Variants in PALM2AKAP2 observed in about 807,000 individuals in gnomAD.
PALM2AKAP2 encodes PALM2-AKAP2 fusion protein.
In PALM2AKAP2, 37 loss-of-function variants were observed where a neutral mutation model predicts 71.5. That is an observed-to-expected ratio of 0.52 (90% CI 0.40 to 0.68). The LOEUF is 0.68. Among genes scored for constraint, PALM2AKAP2 ranks in the 30% least tolerant of loss-of-function variants. PALM2AKAP2 has a pLI of 0.00. For missense variants in PALM2AKAP2, 1,224 were observed against 1,191.8 expected (o/e 1.03, Z -0.40); for synonymous variants, 468 against 478.8 (o/e 0.98, Z 0.29).
chr9:109,853,722 A>G (rs1829081266), intron 1 of PALM2AKAP2, among the ~76,000 whole-genome samples: 1 of 152,254 alleles, frequency 6.6e-6, no homozygotes, highest in African/African-American at 2.4e-5. Context: ...CTGCCAAATT[A>G]TCCTCTAGAA....
intron 1 of PALM2AKAP2, among the ~76,000 whole-genome samples, chr9:109,855,131 G>A (rs552262410): frequency 2.6e-5 from 4 of 151,994 alleles, no homozygotes; most frequent in African/African-American, 9.7e-5. Flanking sequence ...GGAGTGCAGT[G>A]GCACAATCTC....
At chr9:109,672,374 C>T (rs907114865) in intron 1 of PALM2AKAP2, among the ~76,000 whole-genome samples, 3 of 152,062 alleles carry the variant, frequency 2.0e-5, no homozygotes. Flanking sequence ...CGGTTTTTGT[C>T]TTTAATTCTG....
intron 6 of PALM2AKAP2, among the ~76,000 whole-genome samples, chr9:110,011,276 A>G (rs530088286): frequency 6.7e-6 from 1 of 150,046 alleles, no homozygotes; most frequent in African/African-American, 2.4e-5. Flanking sequence ...CTTAGGTCAG[A>G]TTCTTTATAT....
chr9:109,990,365 G>A (rs918845611), intron 6 of PALM2AKAP2, among the ~76,000 whole-genome samples: 19 of 152,076 alleles, frequency 1.2e-4, no homozygotes, highest in African/African-American at 2.4e-4. Flanking sequence ...TTGCCTGAAC[G>A]CATTGTTTTC....
chr9:110,138,450 G>GGCAGAGACAAGTCTT (rs750589648), exon 2 of PALM2AKAP2: 7 of 1,614,112 alleles, frequency 4.3e-6, no homozygotes, highest in Non-Finnish European at 5.9e-6. Flanking sequence ...GAGCTGAAGA[G>GGCAGAGACAAGTCTT]GCAGAGACAA....
At chr9:110,155,053 A>G (rs755178301) in intron 2 of PALM2AKAP2, among the ~76,000 whole-genome samples, 1 of 152,090 alleles carries the variant, frequency 6.6e-6, no homozygotes, top group Non-Finnish European at 1.5e-5. Flanking sequence ...GGTTTCCTGG[A>G]CTCCAGGCCT....
intron 1 of PALM2AKAP2, among the ~76,000 whole-genome samples, chr9:110,085,652 A>G (rs1233074405): frequency 6.6e-6 from 1 of 152,262 alleles, no homozygotes; most frequent in Non-Finnish European, 1.5e-5. Flanking sequence ...CAAAATTTAT[A>G]TGAACCTAAT....
At chr9:110,117,592 G>A (rs945247287) in intron 1 of PALM2AKAP2, among the ~76,000 whole-genome samples, 4 of 152,166 alleles carry the variant, frequency 2.6e-5, no homozygotes, top group Non-Finnish European at 5.9e-5. Flanking sequence ...ATAAAGAATA[G>A]AGATTTGGTT....
At chr9:109,769,199 T>C (rs546149316) in intron 1 of PALM2AKAP2, among the ~76,000 whole-genome samples, 42 of 152,166 alleles carry the variant, frequency 2.8e-4, no homozygotes, top group Non-Finnish European at 5.4e-4. Context: ...ATGGCAAAAG[T>C]GTACCTATGC....
chr9:109,997,398 T>G (rs1326090472), intron 6 of PALM2AKAP2, among the ~76,000 whole-genome samples: 1 of 152,164 alleles, frequency 6.6e-6, no homozygotes, highest in East Asian at 1.9e-4. Flanking sequence ...CTCTGGATAG[T>G]CTCGCTGTCA....
chr9:110,026,115 C>G (rs2132392387), intron 7 of PALM2AKAP2, among the ~76,000 whole-genome samples: 1 of 152,250 alleles, frequency 6.6e-6, no homozygotes, highest in South Asian at 2.1e-4. Context: ...CAGGGTCTCG[C>G]TATGTCACCC....
At chr9:110,126,339 G>A (rs1011514881) in intron 1 of PALM2AKAP2, among the ~76,000 whole-genome samples, 1 of 152,158 alleles carries the variant, frequency 6.6e-6, no homozygotes, top group African/African-American at 2.4e-5. Context: ...CCCAAGATCT[G>A]GAACTATTTT....
At chr9:109,724,023 TA>T (rs1828441282) in intron 1 of PALM2AKAP2, among the ~76,000 whole-genome samples, 1 of 152,168 alleles carries the variant, frequency 6.6e-6, no homozygotes, top group African/African-American at 2.4e-5. Context: ...TCATTTCAGA[TA>T]AGCACGTAAT....
chr9:109,770,907 C>T (rs1288027367), intron 1 of PALM2AKAP2, among the ~76,000 whole-genome samples: 1 of 152,218 alleles, frequency 6.6e-6, no homozygotes, highest in East Asian at 1.9e-4. Flanking sequence ...TCACAATAAT[C>T]TTATGAAATG....
At chr9:109,763,417 C>G (rs1034020895) in intron 1 of PALM2AKAP2, among the ~76,000 whole-genome samples, 6 of 152,180 alleles carry the variant, frequency 3.9e-5, no homozygotes, top group African/African-American at 1.4e-4. Flanking sequence ...GGTCAAATAC[C>G]TAACTTCTCT....
chr9:109,933,405 T>C (rs1028776030), intron 6 of PALM2AKAP2, among the ~76,000 whole-genome samples: 1 of 152,216 alleles, frequency 6.6e-6, no homozygotes, highest in Admixed American at 6.5e-5. Context: ...GGTAAACAAC[T>C]TCTCAGGTCC....
At chr9:109,686,949 T>G (rs560343413) in intron 1 of PALM2AKAP2, among the ~76,000 whole-genome samples, 19 of 152,208 alleles carry the variant, frequency 1.2e-4, no homozygotes, top group African/African-American at 4.3e-4. Flanking sequence ...GTCCTTGTGA[T>G]AGTTTGCTGA....
intron 1 of PALM2AKAP2, among the ~76,000 whole-genome samples, chr9:109,734,196 C>G (rs1289764942): frequency 2.6e-5 from 4 of 152,102 alleles, no homozygotes; most frequent in Non-Finnish European, 5.9e-5. Context: ...ATCAATAATC[C>G]TCTTCCTCCC....
At position 109,757,767 on chromosome 9, in the gene PALM2AKAP2, T is replaced by C. The variant is rs2149000; in HGVS notation, c.6-22721T>C. 2.6e-5 allele frequency among the ~76,000 whole-genome samples: 4 copies of C among 151,912 alleles called. No individual in the cohort carries two copies. The South Asian group carries it at 8.3e-4, about 32-fold the overall frequency. On this transcript the variant is annotated intron_variant, in intron 1 of 6. Transcript: ENST00000374531. Reference sequence around the variant, plus strand: ...AAAACATGCCAAGGTTCACCAAAAATGTATAGGCTTGTCTATGGTCATAAG... The same window carrying C: ...AAAACATGCCAAGGTTCACCAAAAACGTATAGGCTTGTCTATGGTCATAAG...
Sources: allele counts gnomAD v4.1 joint callset (sites outside exome capture counted in the v4.1 genomes callset), GRCh38; gene constraint gnomAD v4.1.1; transcripts MANE v1.5; gene names NCBI Gene and HGNC (gene_info 2026-07-23, HGNC 2026-07-21).